Variants in CD99L2 observed in about 807,000 individuals in gnomAD.
CD99L2 encodes CD99 molecule like 2, also known as CD99 antigen-like protein 2.
CD99L2 carries 24 observed loss-of-function variants against 27.3 expected under a neutral mutation model. That is an observed-to-expected ratio of 0.88 (90% CI 0.64 to 1.24). The LOEUF (loss-of-function observed/expected upper bound fraction) is 1.24, where lower values mean the gene tolerates loss of function less well. Among genes scored for constraint, CD99L2 ranks in the 50% most tolerant of loss-of-function variants. The pLI is 0.00. For missense variants in CD99L2, 255 were observed against 221.6 expected, an observed-to-expected ratio of 1.15 and a Z score of -0.96; for synonymous variants, 97 against 87.9, an observed-to-expected ratio of 1.10 and a Z score of -0.58.
intron 1 of CD99L2, among the ~76,000 whole-genome samples, chrX:150,894,127 C>G (rs2047566225): frequency 9.0e-6 from 1 of 111,676 alleles, no homozygotes; most frequent in Admixed American, 9.5e-5. Flanking sequence ...AAACAGAAAC[C>G]CCTTGCCCAT....
intron 7 of CD99L2, among the ~76,000 whole-genome samples, chrX:150,791,326 G>A (rs1217831120): frequency 9.0e-6 from 1 of 111,534 alleles, no homozygotes; most frequent in Non-Finnish European, 1.9e-5. Flanking sequence ...CTCAGATCTT[G>A]GTTTCTAATA....
At chrX:150,897,046 A>G (rs1557423102) in intron 1 of CD99L2, among the ~76,000 whole-genome samples, 1 of 112,142 alleles carries the variant, frequency 8.9e-6, no homozygotes, top group Non-Finnish European at 1.9e-5. Context: ...AGGGAGTATC[A>G]TTTTTCTAAC....
intron 9 of CD99L2, among the ~76,000 whole-genome samples, chrX:150,771,423 C>G (rs1557419063): frequency 2.7e-5 from 3 of 112,448 alleles, no homozygotes; most frequent in Non-Finnish European, 3.8e-5. Context: ...TCCCAGCTGA[C>G]AGGTGGGGGC....
chrX:150,804,528 C>T (rs1297601380), intron 4 of CD99L2, among the ~76,000 whole-genome samples: 1 of 111,130 alleles, frequency 9.0e-6, no homozygotes, highest in Admixed American at 9.6e-5. Flanking sequence ...GGGCAGATCA[C>T]GAGGTCAGGA....
At chrX:150,882,877 A>T (rs2047352323) in intron 1 of CD99L2, among the ~76,000 whole-genome samples, 1 of 111,196 alleles carries the variant, frequency 9.0e-6, no homozygotes, top group South Asian at 3.8e-4. Context: ...TGGTAAAAAA[A>T]ACAACCATGA....
At chrX:150,807,791 T>C (rs1429851997) in intron 4 of CD99L2, among the ~76,000 whole-genome samples, 1 of 112,400 alleles carries the variant, frequency 8.9e-6, no homozygotes, top group Non-Finnish European at 1.9e-5. Flanking sequence ...AATTGATTCA[T>C]ACTACATACA....
At chrX:150,817,234 T>TAAA (rs2046176161) in intron 2 of CD99L2, among the ~76,000 whole-genome samples, 1 of 107,538 alleles carries the variant, frequency 9.3e-6, no homozygotes, top group Non-Finnish European at 1.9e-5. Context: ...AATAAATAAA[T>TAAA]AAATAAAAAT....
rs887896316 is a variant in CD99L2 at position 150,778,399 on chromosome X, C to T, written c.497-917G>A. Among the ~76,000 whole-genome samples, 4 of 105,567 alleles carry T rather than the reference C, an allele frequency of 3.8e-5. No homozygotes were observed. The Admixed American group carries it at 4.2e-4, about 11-fold the overall frequency. The allele number at this position is 105,567 out of a possible 115,157, so 91.7% of individuals were successfully genotyped here. A position where few individuals can be genotyped will look rare whatever the true frequency, so the allele number is the denominator to read the frequency against. ...GGCAAATGAGCTCCAACATTTCCTT[C>T]ACCAATCAAAGAGTCAGGAGGAATG... On this transcript the variant is annotated intron_variant, in intron 7 of 10. Coordinates refer to ENST00000370377, the MANE Select transcript of CD99L2 (RefSeq NM_031462.4).
At chrX:150,802,642 C>T (rs1239464152) in intron 4 of CD99L2, among the ~76,000 whole-genome samples, 23 of 96,589 alleles carry the variant, frequency 2.4e-4, no homozygotes, top group African/African-American at 8.2e-4. Context: ...AGTGCAGTGG[C>T]GTGATCTTGG....
intron 1 of CD99L2, among the ~76,000 whole-genome samples, chrX:150,847,598 T>C (rs1020572465): frequency 2.7e-5 from 3 of 110,478 alleles, no homozygotes; most frequent in Non-Finnish European, 5.7e-5. Context: ...CTATCCTTGC[T>C]GTATCTGCTT....
At chrX:150,830,899 C>A (rs993258052) in intron 2 of CD99L2, among the ~76,000 whole-genome samples, 2 of 110,436 alleles carry the variant, frequency 1.8e-5, no homozygotes, top group Admixed American at 9.7e-5. Flanking sequence ...ACCTCCACCC[C>A]CCGGGTTCAA....
intron 1 of CD99L2, among the ~76,000 whole-genome samples, chrX:150,896,602 A>C (rs782274771): frequency 5.4e-5 from 6 of 111,767 alleles, no homozygotes; most frequent in Non-Finnish European, 9.4e-5. Flanking sequence ...ACACAGGAAG[A>C]ACTCAGGAGA....
At chrX:150,818,738 C>T (rs1286751019) in intron 2 of CD99L2, 4 of 192,539 alleles carry the variant, frequency 2.1e-5, no homozygotes, top group Non-Finnish European at 4.3e-5. Context: ...GCAGACACTG[C>T]CATCGTCAAC....
At chrX:150,794,113 G>A (rs1260968484) in intron 6 of CD99L2, among the ~76,000 whole-genome samples, 2 of 111,706 alleles carry the variant, frequency 1.8e-5, no homozygotes, top group African/African-American at 3.3e-5. Context: ...ACTTAATCAG[G>A]TGACATCCTC....
intron 1 of CD99L2, among the ~76,000 whole-genome samples, chrX:150,885,136 G>A (rs1342437499): frequency 9.0e-6 from 1 of 111,426 alleles, no homozygotes; most frequent in African/African-American, 3.3e-5. Flanking sequence ...CACAAAAGTC[G>A]GTAGTGTCTA....
chrX:150,883,603 A>C (rs2047365112), intron 1 of CD99L2, among the ~76,000 whole-genome samples: 1 of 111,686 alleles, frequency 9.0e-6, no homozygotes, highest in Admixed American at 9.6e-5. Flanking sequence ...GGCACCTGAC[A>C]AAAACCAAAC....
At chrX:150,769,422 C>T (rs1165224280) in intron 10 of CD99L2, among the ~76,000 whole-genome samples, 7 of 112,895 alleles carry the variant, frequency 6.2e-5, no homozygotes, top group South Asian at 3.6e-4. Context: ...ATGCTGGCCT[C>T]GTGGTGGCTA....
chrX:150,794,320 T>G (rs1299679661), intron 6 of CD99L2, among the ~76,000 whole-genome samples: 1 of 111,572 alleles, frequency 9.0e-6, no homozygotes, highest in Non-Finnish European at 1.9e-5. Flanking sequence ...GAACCCAACT[T>G]CAGACGAGAC....
At chrX:150,771,016 A>G (rs1475923622) in intron 9 of CD99L2, among the ~76,000 whole-genome samples, 1 of 112,363 alleles carries the variant, frequency 8.9e-6, no homozygotes, top group Admixed American at 9.4e-5. Context: ...GGACTGTACC[A>G]AGCATTCCCT....
Sources: allele counts gnomAD v4.1 joint callset (sites outside exome capture counted in the v4.1 genomes callset), GRCh38; gene constraint gnomAD v4.1.1; transcripts MANE v1.5; gene names NCBI Gene and HGNC (gene_info 2026-07-23, HGNC 2026-07-21).